Variants in IGFN1 observed in about 807,000 individuals in gnomAD.
IGFN1 encodes the protein immunoglobulin-like and fibronectin type III domain-containing protein 1.
IGFN1 carries 253 observed loss-of-function variants against 289.5 expected under a neutral mutation model. That is an observed-to-expected ratio of 0.87 (90% CI 0.79 to 0.97). The LOEUF (loss-of-function observed/expected upper bound fraction) is 0.97, where lower values mean the gene tolerates loss of function less well. Ranked by LOEUF, IGFN1 falls within the 50% of genes least tolerant of loss-of-function variation. IGFN1 has a pLI of 0.00. For synonymous variants in IGFN1, 1,706 were observed against 1,788.5 expected (o/e 0.95, Z 1.16); for missense variants, 4,470 against 4,686.1 (o/e 0.95, Z 1.35).
chr1:201,214,362 G>T, intron 13 of IGFN1, 61 bp downstream of exon 13: 2 of 1,515,836 alleles, frequency 1.3e-6, no homozygotes, highest in Non-Finnish European at 9.0e-7. Context: ...AAGCAGAGAG[G>T]GGCAAGAGCG....
At chr1:201,195,792 C>A in intron 3 of IGFN1, 47 bp from the exon 4 acceptor site, 1 of 1,529,840 alleles carries the variant, frequency 6.5e-7, no homozygotes, top group South Asian at 1.2e-5. Context: ...TATACAGTCA[C>A]CCTCTCCCAA....
rs759377346 is a variant in IGFN1 at position 201,215,856 on chromosome 1, C to T, written c.9295+18C>T. 1.9e-6 allele frequency: 3 copies of T among 1,604,970 alleles called. No homozygotes were observed. The highest frequency in any genetic ancestry group is 2.2e-5 in the South Asian group (2 of 88,970). ...AGTCATAGGTACCAGCCCTGTCTTC[C>T]CCCAACTAAGGCCTGAGAGTCCCTG... On this transcript the variant is annotated intron_variant, in intron 15 of 23. Coordinates refer to ENST00000335211, the MANE Select transcript of IGFN1 (RefSeq NM_001164586.2).
chr1:201,215,934 T>C (rs1200225056), intron 15 of IGFN1, 96 bp downstream of exon 15: 1 of 1,205,810 alleles, frequency 8.3e-7, no homozygotes, highest in Non-Finnish European at 1.2e-6. Flanking sequence ...TGATCTCTGC[T>C]GGCTCTGATC....
chr1:201,196,978 CA>C (rs952642844), intron 4 of IGFN1, among the ~76,000 whole-genome samples: 22 of 151,762 alleles, frequency 1.4e-4, no homozygotes, highest in African/African-American at 4.8e-4. Flanking sequence ...CATCTGACCC[CA>C]AAAAGCACAC....
intron 3 of IGFN1, among the ~76,000 whole-genome samples, chr1:201,195,216 A>G (rs1666848821): frequency 6.6e-6 from 1 of 151,668 alleles, no homozygotes; most frequent in Admixed American, 6.6e-5. Context: ...CAGTGGCGCA[A>G]TCTCTGATCA....
chr1:201,207,840 A>G lies in IGFN1; in HGVS notation c.2947A>G (p.Met983Val), dbSNP rs12063867. 0.33 allele frequency: 513,395 copies of G among 1,535,080 alleles called. 87,256 individuals carry two copies. The highest frequency in any genetic ancestry group is 0.37 in the South Asian group (31,406 of 83,888). Residue 983 changes from methionine to valine, a missense_variant, in exon 12 of 24, where the codon ATG (methionine) becomes GTG (valine). Coordinates refer to ENST00000335211, the MANE Select transcript of IGFN1 (RefSeq NM_001164586.2). The part of the protein sequence containing the change: ...YSYGSGVPGE[M>V]GSGHGAGCRV... ...CTATGGCTCAGGGGTTCCAGGAGAA[A>G]TGGGGTCCGGCCATGGTGCTGGTTG...
At chr1:201,227,458 G>A (rs952323072) in intron 23 of IGFN1, among the ~76,000 whole-genome samples, 11 of 149,404 alleles carry the variant, frequency 7.4e-5, no homozygotes, top group Admixed American at 6.7e-4. Flanking sequence ...ACGGAGTTTC[G>A]CTCTTGTTGC....
At chr1:201,216,925 C>T (rs1445181190) in intron 16 of IGFN1, among the ~76,000 whole-genome samples, 172 bp downstream of exon 16, 1 of 152,034 alleles carries the variant, frequency 6.6e-6, no homozygotes, top group Admixed American at 6.6e-5. Context: ...GGATCTGGCA[C>T]CCAGATCAGG....
intron 16 of IGFN1, 136 bp from the exon 17 acceptor site, chr1:201,217,151 C>T (rs1653361838): frequency 1.3e-6 from 1 of 753,290 alleles, no homozygotes; most frequent in Non-Finnish European, 2.2e-6. Context: ...GGGCGGGCTG[C>T]CTCAGCCCCG....
intron 18 of IGFN1, among the ~76,000 whole-genome samples, chr1:201,219,666 G>A (rs1653585568): frequency 6.6e-6 from 1 of 152,254 alleles, no homozygotes; most frequent in African/African-American, 2.4e-5. Context: ...TGACGGATGG[G>A]CCAGGTGGTC....
intron 19 of IGFN1, 41 bp from the exon 20 acceptor site, chr1:201,222,698 T>G: frequency 1.4e-6 from 2 of 1,479,666 alleles, no homozygotes; most frequent in Non-Finnish European, 9.4e-7. Flanking sequence ...GGTCCAACTG[T>G]GAGGGAGGAG....
Position 201,216,723 on chromosome 1 carries a change from G to A in IGFN1, c.9565G>A (p.Glu3189Lys). The A allele has an allele frequency of 6.2e-7, 1 of 1,611,642 alleles. No individual in the cohort carries two copies. The highest frequency in any genetic ancestry group is 8.5e-7 in the Non-Finnish European group (1 of 1,178,626). The change falls in exon 16 of 24, where the codon GAG (glutamate) becomes AAG (lysine). Residue 3189 changes from glutamate (E) to lysine (K), a missense_variant. Coordinates refer to ENST00000335211, the MANE Select transcript of IGFN1 (RefSeq NM_001164586.2). ...VTSEGAGEAL[E>K]SEEILVAPEA... is the part of the protein sequence containing the mutation. ...CTCAGAGGGGGCTGGCGAGGCCCTG[G>A]AGTCTGAGGAGATATTGGTGGCTCC...
chr1:201,215,151 C>T lies in IGFN1; in HGVS notation c.8992C>T (p.Gln2998Ter), dbSNP rs368501150. The change falls in exon 14 of 24, where the codon CAG becomes TAG. Residue 2998 changes from glutamine (Q) to a stop codon, truncating the protein, a stop_gained. Transcript: ENST00000335211. LOFTEE classifies it high-confidence loss of function. ...GCAGAGCGAGGCCACCCTGACCGTCCAGGGTAAGGCCCAGCCCTGCCCTGC... is the reference window on the plus strand; with the variant it reads ...GCAGAGCGAGGCCACCCTGACCGTCTAGGGTAAGGCCCAGCCCTGCCCTGC... ...DQQSEATLTV[Q>*]DSPTIAPDVT... 1.2e-5 allele frequency: 19 copies of T among 1,612,228 alleles called. No individual in the cohort carries two copies. Among genetic ancestry groups the T allele is most frequent in the Non-Finnish European group, 1.4e-5 (17 of 1,179,694 alleles).
At chr1:201,215,952 G>C in intron 15 of IGFN1, 114 bp downstream of exon 15, 2 of 1,068,244 alleles carry the variant, frequency 1.9e-6, no homozygotes, top group South Asian at 2.7e-5. Flanking sequence ...ATCCTCATTT[G>C]CATGCTGTTT....
At position 201,218,456 on chromosome 1, in the gene IGFN1, C is replaced by T. The variant is rs1653474478; in HGVS notation, c.9770-74C>T. On this transcript the variant is annotated intron_variant, in intron 17 of 23. Coordinates refer to ENST00000335211, the MANE Select transcript of IGFN1 (RefSeq NM_001164586.2). The stretch of plus-strand genomic sequence containing the variant: ...ACCCCAGGCTTGGTCTCCTTCAGAA[C>T]TTGGAGGCACCCAAGCTATCTCCCC... 4 of 1,503,678 alleles carry T rather than the reference C, an allele frequency of 2.7e-6. 1 individual carries two copies. The South Asian group carries it at 3.8e-5, about 14-fold the overall frequency. 93.1% of individuals were successfully genotyped at this position (1,503,678 alleles called of 1,614,324 possible). A position where few individuals can be genotyped will look rare whatever the true frequency, so the allele number is the denominator to read the frequency against.
intron 11 of IGFN1, 62 bp from the exon 12 acceptor site, chr1:201,206,021 G>A (rs1667398952): frequency 8.4e-7 from 1 of 1,194,426 alleles, no homozygotes; most frequent in South Asian, 1.4e-5. Context: ...AGGAGTTTTG[G>A]TATTTTCTCT....
chr1:201,206,838 G>A lies in IGFN1; in HGVS notation c.1945G>A (p.Gly649Arg). 6.5e-7 allele frequency: 1 copy of A among 1,536,960 alleles called. No homozygotes were observed. The highest frequency in any genetic ancestry group is 8.7e-7 in the Non-Finnish European group (1 of 1,146,862). ...DRGDAPSRER[G>R]RGIVVWGGGT... ...AGGGGATGCTCCAAGTAGGGAAAGG[G>A]GGAGAGGAATAGTAGTGTGGGGTGG... The change falls in exon 12 of 24, where the codon GGG becomes AGG. Residue 649 changes from glycine to arginine, a missense_variant. Around this residue, in one of 8 missense-constraint regions of IGFN1, gnomAD observed 2,011 missense variants for 1,953.4 expected, o/e 1.03. Coordinates refer to ENST00000335211, the MANE Select transcript of IGFN1 (RefSeq NM_001164586.2).
chr1:201,191,521 A>C (rs1353344440), intron 1 of IGFN1, among the ~76,000 whole-genome samples: 1 of 152,134 alleles, frequency 6.6e-6, no homozygotes, highest in Non-Finnish European at 1.5e-5. Flanking sequence ...TCTGGGAAGA[A>C]CTGGAGTTCT....
At position 201,221,373 on chromosome 1, in the gene IGFN1, C is replaced by T; in HGVS notation, c.9899-71C>T. Reference sequence around the variant, plus strand: ...AATTCCCAGTCTCCCACAAGGAAGGCTAATCAATATCCACACTGAGTGGCC... The same window carrying T: ...AATTCCCAGTCTCCCACAAGGAAGGTTAATCAATATCCACACTGAGTGGCC... On this transcript the variant is annotated intron_variant, in intron 18 of 23. Transcript: ENST00000335211. 6 of 1,181,934 alleles carry T rather than the reference C, an allele frequency of 5.1e-6. No individual in the cohort carries two copies. In the South Asian group the frequency reaches 8.3e-5, roughly 16 times the overall value. 73.2% of individuals were successfully genotyped at this position (1,181,934 alleles called of 1,614,324 possible).
Sources: allele counts gnomAD v4.1 joint callset (sites outside exome capture counted in the v4.1 genomes callset), GRCh38; gene constraint gnomAD v4.1.1; regional missense constraint gnomAD v4.1.1; transcripts MANE v1.5; gene names NCBI Gene and HGNC (gene_info 2026-07-23, HGNC 2026-07-21).